KIF3B: variants seen among roughly 807,000 people sequenced by gnomAD.
KIF3B encodes kinesin family member 3B, also known as kinesin-like protein KIF3B.
KIF3B carries 38 observed loss-of-function variants against 74.3 expected under a neutral mutation model. That is an observed-to-expected ratio of 0.51 (90% CI 0.39 to 0.67). The LOEUF is 0.67. Ranked by LOEUF, KIF3B falls within the 30% of genes least tolerant of loss-of-function variation. KIF3B has a pLI of 0.00. For synonymous variants in KIF3B, 326 were observed against 342.5 expected (o/e 0.95, Z 0.53); for missense variants, 649 against 932.0 (o/e 0.70, Z 3.95).
intron 1 of KIF3B, among the ~76,000 whole-genome samples, chr20:32,292,701 A>G (rs2047698758): frequency 6.6e-6 from 1 of 151,902 alleles, no homozygotes; most frequent in African/African-American, 2.4e-5. Flanking sequence ...AGGCTGCAGT[A>G]AGCTGAGATT....
intron 2 of KIF3B, among the ~76,000 whole-genome samples, chr20:32,315,325 T>A (rs891222678): frequency 1.3e-5 from 2 of 152,168 alleles, no homozygotes; most frequent in African/African-American, 4.8e-5. Flanking sequence ...AACAATCTTT[T>A]TTTCTTACCT....
chr20:32,332,526 G>C lies in KIF3B; in HGVS notation c.*1207G>C, dbSNP rs2047935333. The stretch of plus-strand genomic sequence containing the variant: ...TGTGTGATTGAATAGGCTCAAAGGA[G>C]AGTTCAGAATTCCCATTTACATATT... On this transcript the variant is annotated 3_prime_UTR_variant, in exon 9 of 9. Coordinates refer to ENST00000375712, the MANE Select transcript of KIF3B (RefSeq NM_004798.4). 1 of 152,242 alleles carries C rather than the reference G, an allele frequency of 6.6e-6. No individual in the cohort carries two copies. The highest frequency in any genetic ancestry group is 2.4e-5 in the African/African-American group (1 of 41,458). The allele number at this position is 152,242 out of a possible 1,614,324, so 9.4% of individuals were successfully genotyped here.
intron 1 of KIF3B, among the ~76,000 whole-genome samples, chr20:32,293,549 A>G (rs6058619): frequency 0.67 from 101,444 of 151,710 alleles, 35,423 homozygotes; most frequent in East Asian, 0.99. Flanking sequence ...GGTTGAGGCT[A>G]TGGCGAGCCA....
chr20:32,288,261 G>C (rs1455058079), intron 1 of KIF3B, among the ~76,000 whole-genome samples: 1 of 152,058 alleles, frequency 6.6e-6, no homozygotes, highest in African/African-American at 2.4e-5. Context: ...GGCCTAAGTG[G>C]GAAGATTGCT....
chr20:32,279,464 AAT>A (rs1283056097), intron 1 of KIF3B, among the ~76,000 whole-genome samples: 7 of 148,498 alleles, frequency 4.7e-5, no homozygotes, highest in Non-Finnish European at 1.5e-5. Context: ...AAATAGTTGG[AAT>A]CTTTTTTTTT....
intron 1 of KIF3B, among the ~76,000 whole-genome samples, chr20:32,294,493 A>G (rs2047707618): frequency 6.6e-6 from 1 of 152,202 alleles, no homozygotes; most frequent in African/African-American, 2.4e-5. Context: ...AAAAAATACA[A>G]AGAAAGCAAA....
chr20:32,297,756 A>T (rs1391437079), intron 1 of KIF3B, among the ~76,000 whole-genome samples: 1 of 152,038 alleles, frequency 6.6e-6, no homozygotes, highest in Non-Finnish European at 1.5e-5. Context: ...CTTGGGGTTC[A>T]GGTCAAGGGC....
At chr20:32,280,555 G>GA (rs11167164) in intron 1 of KIF3B, among the ~76,000 whole-genome samples, 92,776 of 147,492 alleles carry the variant, frequency 0.63, 29,928 homozygotes, top group East Asian at 0.99. Flanking sequence ...TCTACTAAAA[G>GA]AAAAAAAAAA....
intron 5 of KIF3B, among the ~76,000 whole-genome samples, chr20:32,320,738 G>C (rs560419835): frequency 1.3e-5 from 2 of 152,032 alleles, no homozygotes; most frequent in African/African-American, 2.4e-5. Context: ...AGCTAGTATA[G>C]TGTTTTCAAC....
chr20:32,280,786 C>T (rs2047639650), intron 1 of KIF3B, among the ~76,000 whole-genome samples: 1 of 148,856 alleles, frequency 6.7e-6, no homozygotes, highest in African/African-American at 2.5e-5. Context: ...TTTAGTAGCT[C>T]AACATCCAAT....
chr20:32,320,229 A>C (rs2047853062), intron 5 of KIF3B, among the ~76,000 whole-genome samples: 1 of 152,062 alleles, frequency 6.6e-6, no homozygotes, highest in Non-Finnish European at 1.5e-5. Flanking sequence ...ATATATTATG[A>C]ATACCACTTT....
intron 1 of KIF3B, among the ~76,000 whole-genome samples, chr20:32,302,022 A>T (rs1047775617): frequency 6.6e-5 from 10 of 152,240 alleles, no homozygotes; most frequent in Non-Finnish European, 1.3e-4. Flanking sequence ...GACAAGTTCT[A>T]GCAGAAAAGG....
chr20:32,279,113 A>G (rs917115281), intron 1 of KIF3B, among the ~76,000 whole-genome samples: 6 of 151,854 alleles, frequency 4.0e-5, no homozygotes, highest in African/African-American at 1.5e-4. Flanking sequence ...AGTAGAGACA[A>G]GGTTTCACCA....
intron 1 of KIF3B, 93 bp downstream of exon 1, chr20:32,277,858 C>T (rs2122646827): frequency 6.1e-6 from 1 of 163,224 alleles, no homozygotes; most frequent in Non-Finnish European, 1.3e-5. Context: ...CTCTGCCTGG[C>T]TTTGCTGTCC....
intron 5 of KIF3B, among the ~76,000 whole-genome samples, chr20:32,318,792 G>A (rs1002970260): frequency 6.6e-6 from 1 of 152,132 alleles, no homozygotes; most frequent in Admixed American, 6.5e-5. Flanking sequence ...AAGCATTCAT[G>A]TATAAGGTTT....
At chr20:32,309,134 A>T (rs1260611618) in intron 1 of KIF3B, among the ~76,000 whole-genome samples, 1 of 150,904 alleles carries the variant, frequency 6.6e-6, no homozygotes, top group Non-Finnish European at 1.5e-5. Flanking sequence ...CTCCCATCTC[A>T]GCTTCCCGAG....
chr20:32,315,051 C>T (rs2047820391), intron 2 of KIF3B, among the ~76,000 whole-genome samples: 1 of 152,202 alleles, frequency 6.6e-6, no homozygotes, highest in African/African-American at 2.4e-5. Context: ...GACTCATCTA[C>T]TCTGCCCTCC....
At chr20:32,330,456 AT>A in intron 8 of KIF3B, 137 bp downstream of exon 8, 1 of 737,022 alleles carries the variant, frequency 1.4e-6, no homozygotes, top group Non-Finnish European at 2.2e-6. Flanking sequence ...ATGTTTACTT[AT>A]TTATTCTACA....
At chr20:32,284,045 A>G (rs1416815028) in intron 1 of KIF3B, among the ~76,000 whole-genome samples, 1 of 152,000 alleles carries the variant, frequency 6.6e-6, no homozygotes. Flanking sequence ...CCATCCAAGT[A>G]GCTGAGACTA....
Sources: gnomAD v4.1 joint callset for allele counts (sites outside exome capture counted in the v4.1 genomes callset) on GRCh38, gnomAD v4.1.1 for gene constraint, MANE v1.5 for transcripts, NCBI Gene and HGNC (gene_info 2026-07-23, HGNC 2026-07-21) for gene names.